GALNT17: variants seen among roughly 807,000 people sequenced by gnomAD.
GALNT17 encodes the protein UDP-GalNAc:polypeptide N-acetylgalactosaminyltransferase-like 3.
In GALNT17, 29 loss-of-function variants were observed where a neutral mutation model predicts 63.7. The observed-to-expected ratio is 0.46, with a 90% CI of 0.34 to 0.62. The LOEUF (loss-of-function observed/expected upper bound fraction) is 0.62. Among genes scored for constraint, GALNT17 ranks in the 20% least tolerant of loss-of-function variants. GALNT17 has a pLI of 0.01. For missense variants in GALNT17, 603 were observed against 799.6 expected, an observed-to-expected ratio of 0.75 and a Z score of 2.97; for synonymous variants, 305 against 318.3, an observed-to-expected ratio of 0.96 and a Z score of 0.45.
intron 6 of GALNT17, among the ~76,000 whole-genome samples, chr7:71,640,177 C>T (rs940675064): frequency 6.6e-6 from 1 of 152,120 alleles, no homozygotes; most frequent in African/African-American, 2.4e-5. Context: ...AATATGGTCC[C>T]TTTGCAAGAA....
intron 6 of GALNT17, among the ~76,000 whole-genome samples, chr7:71,630,930 G>A (rs1439078442): frequency 1.3e-5 from 2 of 152,188 alleles, no homozygotes; most frequent in African/African-American, 4.8e-5. Flanking sequence ...ATAAATTAGG[G>A]TACAGGTACT....
intron 1 of GALNT17, among the ~76,000 whole-genome samples, chr7:71,330,161 C>T (rs1305213605): frequency 6.6e-6 from 1 of 151,716 alleles, no homozygotes; most frequent in Admixed American, 6.6e-5. Flanking sequence ...TACAGGTGCA[C>T]ACCACCACAC....
At chr7:71,459,297 G>C (rs1366677772) in intron 5 of GALNT17, among the ~76,000 whole-genome samples, 2 of 152,142 alleles carry the variant, frequency 1.3e-5, no homozygotes, top group Non-Finnish European at 2.9e-5. Flanking sequence ...GAAACAGCTG[G>C]GCTGATTACA....
intron 3 of GALNT17, among the ~76,000 whole-genome samples, chr7:71,406,737 G>GT (rs11413616): frequency 0.57 from 82,858 of 144,234 alleles, 23,881 homozygotes; most frequent in Admixed American, 0.64. Context: ...TTTCCAGGTG[G>GT]TTTTTTTTTT....
In GALNT17 at chr7:71,152,795, G is replaced by A. The variant is rs574764113; in HGVS notation, c.238+19755G>A. Among the ~76,000 whole-genome samples the A allele has an allele frequency of 2.6e-5, 4 of 151,918 alleles. No individual in the cohort carries two copies. The East Asian group carries it at 7.8e-4, about 29-fold the overall frequency. ...TTACAGGTGCCTGCCACCATGCCCA[G>A]CTAATTTTTGTATTTTTAGTAGAGA... On this transcript the variant is annotated intron_variant, in intron 1 of 10. Transcript: ENST00000333538.
chr7:71,420,178 T>C (rs1295423389), intron 4 of GALNT17, among the ~76,000 whole-genome samples: 1 of 152,188 alleles, frequency 6.6e-6, no homozygotes, highest in Non-Finnish European at 1.5e-5. Flanking sequence ...GGCCATCTGC[T>C]GTCTCCTAAG....
intron 1 of GALNT17, among the ~76,000 whole-genome samples, chr7:71,197,253 G>A (rs1015574615): frequency 2.8e-4 from 38 of 134,138 alleles, no homozygotes; most frequent in African/African-American, 9.9e-4. Flanking sequence ...AAGCTGGAGT[G>A]CAGTGGCGCG....
At chr7:71,214,967 A>T (rs78206618) in intron 1 of GALNT17, among the ~76,000 whole-genome samples, 1 of 152,302 alleles carries the variant, frequency 6.6e-6, no homozygotes, top group Non-Finnish European at 1.5e-5. Context: ...ATTGAATTCT[A>T]CTTGATTCTC....
At chr7:71,298,829 G>A (rs1005032456) in intron 1 of GALNT17, among the ~76,000 whole-genome samples, 2 of 152,066 alleles carry the variant, frequency 1.3e-5, no homozygotes, top group African/African-American at 4.8e-5. Flanking sequence ...CTATTTCAGA[G>A]TTTGGTAGCC....
intron 5 of GALNT17, among the ~76,000 whole-genome samples, chr7:71,424,914 A>C (rs752390530): frequency 2.6e-5 from 4 of 152,242 alleles, no homozygotes; most frequent in Non-Finnish European, 5.9e-5. Flanking sequence ...GGTAAGCAAC[A>C]TAATATAGGA....
At chr7:71,267,792 T>A (rs1231850802) in intron 1 of GALNT17, among the ~76,000 whole-genome samples, 1 of 152,086 alleles carries the variant, frequency 6.6e-6, no homozygotes, top group Non-Finnish European at 1.5e-5. Context: ...TGTGAACCCA[T>A]CACCTAGGTA....
chr7:71,520,004 ATTAC>A (rs756049196), intron 5 of GALNT17, among the ~76,000 whole-genome samples: 4 of 152,186 alleles, frequency 2.6e-5, no homozygotes, highest in Non-Finnish European at 5.9e-5. Flanking sequence ...CATTATACTG[ATTAC>A]TTACTATGTG....
At chr7:71,547,257 C>A (rs776732711) in intron 5 of GALNT17, among the ~76,000 whole-genome samples, 1 of 151,828 alleles carries the variant, frequency 6.6e-6, no homozygotes, top group Non-Finnish European at 1.5e-5. Flanking sequence ...CTCTCCCTCC[C>A]GAGTTCAAGC....
intron 5 of GALNT17, among the ~76,000 whole-genome samples, chr7:71,486,686 T>A (rs1195172824): frequency 6.6e-6 from 1 of 150,390 alleles, no homozygotes; most frequent in East Asian, 2.0e-4. Context: ...TGAGATCCCA[T>A]CTCTACAATA....
chr7:71,443,231 C>G lies in GALNT17; in HGVS notation c.962+22126C>G, dbSNP rs139933488. ...TCTCTGCAACTTCTCAGTTCTTTGC[C>G]TCCTGCCCCATTCCTTCTCTAGGAT... is the stretch of plus-strand genomic sequence containing the variant. On this transcript the variant is annotated intron_variant, in intron 5 of 10. Coordinates refer to ENST00000333538, the MANE Select transcript of GALNT17 (RefSeq NM_022479.3). Among the ~76,000 whole-genome samples, 678 of 152,280 alleles carry G rather than the reference C, an allele frequency of 4.5e-3. 2 individuals carry two copies. The highest frequency in any genetic ancestry group is 0.015 in the African/African-American group (620 of 41,558).
At chr7:71,297,526 G>GGCTGAAGGTGGAGGATT (rs139723211) in intron 1 of GALNT17, among the ~76,000 whole-genome samples, 40,440 of 151,524 alleles carry the variant, frequency 0.27, 6,127 homozygotes, top group East Asian at 0.49. Flanking sequence ...CTACTTAGAA[G>GGCTGAAGGTGGAGGATT]GCTGAAGGTG....
intron 5 of GALNT17, among the ~76,000 whole-genome samples, chr7:71,434,636 C>T (rs1786926167): frequency 6.6e-6 from 1 of 152,174 alleles, no homozygotes. Context: ...CCCGTGGGTT[C>T]TGTGTCCTTA....
At chr7:71,185,690 G>T (rs1353404910) in intron 1 of GALNT17, among the ~76,000 whole-genome samples, 1 of 151,878 alleles carries the variant, frequency 6.6e-6, no homozygotes, top group Non-Finnish European at 1.5e-5. Context: ...TGTATTTTTA[G>T]TGGAGACGGG....
At chr7:71,679,748 G>A (rs937018638) in intron 9 of GALNT17, among the ~76,000 whole-genome samples, 9 of 152,150 alleles carry the variant, frequency 5.9e-5, no homozygotes, top group South Asian at 2.1e-4. Context: ...CAGCCTGCAC[G>A]CTGCAGTGGG....
Sources: allele counts gnomAD v4.1 joint callset (sites outside exome capture counted in the v4.1 genomes callset), GRCh38; gene constraint gnomAD v4.1.1; transcripts MANE v1.5; gene names NCBI Gene and HGNC (gene_info 2026-07-23, HGNC 2026-07-21).